KALRN: variants seen among roughly 807,000 people sequenced by gnomAD.
KALRN encodes kalirin RhoGEF kinase.
KALRN carries 70 observed loss-of-function variants against 353.7 expected under a neutral mutation model. The observed-to-expected ratio is 0.20, with a 90% CI of 0.16 to 0.24. KALRN has a LOEUF of 0.24. Among genes scored for constraint, KALRN ranks in the 10% least tolerant of loss-of-function variants. KALRN has a pLI of 1.00. For missense variants in KALRN, 2,791 were observed against 3,756.7 expected, an observed-to-expected ratio of 0.74 and a Z score of 6.72; for synonymous variants, 1,391 against 1,434.8, an observed-to-expected ratio of 0.97 and a Z score of 0.69.
chr3:124,034,722 G>A (rs2039251432), intron 1 of KALRN, among the ~76,000 whole-genome samples: 1 of 152,032 alleles, frequency 6.6e-6, no homozygotes, highest in African/African-American at 2.4e-5. Flanking sequence ...CCGTCTCCCT[G>A]TACCTGTGGC....
intron 23 of KALRN, among the ~76,000 whole-genome samples, chr3:124,460,454 T>C (rs555618711): frequency 4.6e-5 from 7 of 152,210 alleles, no homozygotes; most frequent in African/African-American, 1.7e-4. Flanking sequence ...AAAGAACAAT[T>C]CTAGAAAACT....
intron 3 of KALRN, among the ~76,000 whole-genome samples, chr3:124,236,997 T>C (rs2332764): frequency 0.093 from 14,116 of 152,248 alleles, 1,833 homozygotes; most frequent in East Asian, 0.64. Context: ...AGAGTGTAAG[T>C]GCCTGGCAGG....
rs569036768 is a variant in KALRN, at chr3:124,384,757, C to A, written c.1771-88C>A. On this transcript the variant is annotated intron_variant, in intron 10 of 59. Transcript: ENST00000682506. ...GGAGCTGTCAGCTCAGCGCCCACGC[C>A]CCTCCGCTTCAGCTCCGGGGAGCCC... 1.0e-4 allele frequency: 135 copies of A among 1,314,342 alleles called. 1 individual carries two copies. The East Asian group carries it at 3.1e-3, about 30-fold the overall frequency. 81.4% of individuals were successfully genotyped at this position (1,314,342 alleles called of 1,614,324 possible). A position where few individuals can be genotyped will look rare whatever the true frequency, so the allele number is the denominator to read the frequency against.
At chr3:124,537,442 C>T (rs565950706) in intron 33 of KALRN, among the ~76,000 whole-genome samples, 11 of 152,224 alleles carry the variant, frequency 7.2e-5, no homozygotes, top group African/African-American at 2.4e-4. Flanking sequence ...AATAGAGATA[C>T]AAATATCATT....
Position 124,046,518 on chromosome 3 carries a change from A to G in KALRN, c.73+12705A>G, listed in dbSNP as rs1339002275. Among the ~76,000 whole-genome samples the G allele has an allele frequency of 2.6e-5, 4 of 152,208 alleles. No individual in the cohort carries two copies. The East Asian group carries it at 7.7e-4, about 29-fold the overall frequency. ...GAGATGGATTGGATCCATTCTCTGG[A>G]GAGTGAGTGGGAATTGCATAAAAGA... On this transcript the variant is annotated intron_variant, in intron 1 of 59. Coordinates refer to ENST00000682506, the MANE Select transcript of KALRN (RefSeq NM_001388419.1).
chr3:124,273,195 C>G (rs1439369815), intron 5 of KALRN, among the ~76,000 whole-genome samples: 1 of 152,244 alleles, frequency 6.6e-6, no homozygotes, highest in Non-Finnish European at 1.5e-5. Flanking sequence ...CCCCTGACAC[C>G]TGTGGTGAGC....
intron 11 of KALRN, among the ~76,000 whole-genome samples, chr3:124,390,396 T>C (rs2089174874): frequency 6.6e-6 from 1 of 152,246 alleles, no homozygotes; most frequent in South Asian, 2.1e-4. Flanking sequence ...GTGGAATCAT[T>C]CTGCCACACC....
intron 1 of KALRN, among the ~76,000 whole-genome samples, chr3:124,131,999 G>A (rs2065350832): frequency 6.6e-6 from 1 of 152,018 alleles, no homozygotes; most frequent in African/African-American, 2.4e-5. Flanking sequence ...TTCCGTATGT[G>A]TATTATATGG....
intron 1 of KALRN, among the ~76,000 whole-genome samples, chr3:124,091,660 G>A (rs916508245): frequency 2.0e-5 from 3 of 152,150 alleles, no homozygotes; most frequent in African/African-American, 7.2e-5. Context: ...GAGTGGATGG[G>A]CTGTTGCTGG....
chr3:124,346,097 C>G (rs2082232220), intron 9 of KALRN, among the ~76,000 whole-genome samples: 1 of 152,148 alleles, frequency 6.6e-6, no homozygotes, highest in South Asian at 2.1e-4. Context: ...TTAGCAGGAT[C>G]TATAACAGGT....
At chr3:124,048,587 T>C (rs2040737852) in intron 1 of KALRN, among the ~76,000 whole-genome samples, 1 of 152,078 alleles carries the variant, frequency 6.6e-6, no homozygotes, top group African/African-American at 2.4e-5. Context: ...GTTCACACCA[T>C]TCTCCTGCCT....
chr3:124,432,110 G>T (rs1263293185), intron 16 of KALRN, among the ~76,000 whole-genome samples: 1 of 152,094 alleles, frequency 6.6e-6, no homozygotes, highest in African/African-American at 2.4e-5. Context: ...CAGGATTGGG[G>T]TTATAATCAA....
In KALRN at chr3:124,588,341, A is replaced by G. The variant is rs80120273; in HGVS notation, c.5182+25252A>G. On this transcript the variant is annotated intron_variant, in intron 34 of 59. Transcript: ENST00000682506. ...AGAAAAGATTTCAAATCACCTGGAAATTGCTAAGTTATGTATTGCACTGGA... is the reference window on the plus strand; with the variant it reads ...AGAAAAGATTTCAAATCACCTGGAAGTTGCTAAGTTATGTATTGCACTGGA... Among the ~76,000 whole-genome samples the G allele has an allele frequency of 7.0e-3, 1,067 of 152,304 alleles. 11 individuals carry two copies. The highest frequency in any genetic ancestry group is 0.023 in the African/African-American group (965 of 41,578).
intron 1 of KALRN, among the ~76,000 whole-genome samples, chr3:124,215,223 T>C (rs2077216710): frequency 6.6e-6 from 1 of 152,146 alleles, no homozygotes; most frequent in Non-Finnish European, 1.5e-5. Flanking sequence ...GGCTTTCTTT[T>C]ACATCTGGGG....
intron 43 of KALRN, 118 bp downstream of exon 43, chr3:124,659,575 G>T: frequency 1.4e-6 from 1 of 697,666 alleles, no homozygotes; most frequent in South Asian, 1.7e-5. Flanking sequence ...AAAGGACTGT[G>T]AACTGTGGGA....
chr3:124,408,513 G>C (rs1472803120), intron 13 of KALRN, among the ~76,000 whole-genome samples: 1 of 152,162 alleles, frequency 6.6e-6, no homozygotes, highest in African/African-American at 2.4e-5. Flanking sequence ...GTGCTATGAG[G>C]ATTAAATAAA....
chr3:124,110,318 ATACTT>A lies in KALRN; in HGVS notation c.73+76507_73+76511del, dbSNP rs2062806876. ...TTGATATATATATGACATATATGTC[ATACTT>A]TGATATATATATGACATATATATCA... On this transcript the variant is annotated intron_variant, in intron 1 of 59. Transcript: ENST00000682506. Among the ~76,000 whole-genome samples the A allele has an allele frequency of 1.1e-3, 40 of 36,578 alleles. 2 individuals are homozygous for A. The highest frequency in any genetic ancestry group is 2.9e-3 in the Non-Finnish European group (38 of 13,018). The allele number at this position is 36,578 out of a possible 152,430, so 24.0% of individuals were successfully genotyped here.
intron 1 of KALRN, among the ~76,000 whole-genome samples, chr3:124,068,384 T>A (rs761307641): frequency 1.3e-5 from 2 of 152,220 alleles, no homozygotes; most frequent in African/African-American, 2.4e-5. Context: ...CTTTGTGAAA[T>A]TAGAACTAAA....
intron 33 of KALRN, among the ~76,000 whole-genome samples, chr3:124,555,750 C>A (rs764270424): frequency 6.6e-6 from 1 of 152,168 alleles, no homozygotes; most frequent in Non-Finnish European, 1.5e-5. Flanking sequence ...TTTATTCACT[C>A]GCGCATTCAA....
Sources: gnomAD v4.1 joint callset for allele counts (sites outside exome capture counted in the v4.1 genomes callset) on GRCh38, gnomAD v4.1.1 for gene constraint, MANE v1.5 for transcripts, NCBI Gene and HGNC (gene_info 2026-07-23, HGNC 2026-07-21) for gene names.